The following DCAF7 variants were observed in gnomAD, a reference collection of about 807,000 sequenced individuals.
The protein encoded by DCAF7 is DDB1- and CUL4-associated factor 7.
Under a neutral mutation model 41.2 loss-of-function variants are expected in DCAF7, and 4 were observed. That is an observed-to-expected ratio of 0.10 (90% CI 0.05 to 0.22). The LOEUF is 0.22. Among genes scored for constraint, DCAF7 ranks in the 10% least tolerant of loss-of-function variants. DCAF7 has a pLI of 1.00. For missense variants in DCAF7, 131 were observed against 443.2 expected, an observed-to-expected ratio of 0.30 and a Z score of 6.32; for synonymous variants, 143 against 164.2, an observed-to-expected ratio of 0.87 and a Z score of 0.99.
chr17:63,557,087 G>A (rs1162488028), intron 1 of DCAF7, among the ~76,000 whole-genome samples: 1 of 152,142 alleles, frequency 6.6e-6, no homozygotes, highest in East Asian at 1.9e-4. Flanking sequence ...GATGCTATTA[G>A]AAAGGATGGG....
intron 1 of DCAF7, among the ~76,000 whole-genome samples, chr17:63,570,006 C>T (rs2033488056): frequency 6.6e-6 from 1 of 152,160 alleles, no homozygotes; most frequent in Admixed American, 6.5e-5. Context: ...AGCCACCACA[C>T]CCGGTCTAGA....
At chr17:63,564,136 TACACAC>T (rs369218596) in intron 1 of DCAF7, among the ~76,000 whole-genome samples, 33 of 148,088 alleles carry the variant, frequency 2.2e-4, no homozygotes, top group South Asian at 6.4e-4. Context: ...GTTAACTTTA[TACACAC>T]ACACACACAC....
intron 3 of DCAF7, among the ~76,000 whole-genome samples, 165 bp from the exon 4 acceptor site, chr17:63,579,660 C>T (rs1259994078): frequency 6.6e-6 from 1 of 152,158 alleles, no homozygotes; most frequent in Admixed American, 6.5e-5. Context: ...ACGGTGAGGA[C>T]TGAAGACTTG....
At chr17:63,583,888 G>A (rs1381850046) in intron 5 of DCAF7, among the ~76,000 whole-genome samples, 177 bp downstream of exon 5, 3 of 152,140 alleles carry the variant, frequency 2.0e-5, no homozygotes, top group Non-Finnish European at 4.4e-5. Context: ...GCATCTAGGG[G>A]GTAGAGACCA....
chr17:63,591,720 A>G lies in DCAF7; in HGVS notation c.*2548A>G, dbSNP rs1478567103. On this transcript the variant is annotated 3_prime_UTR_variant, in exon 7 of 7. Coordinates refer to ENST00000614556, the MANE Select transcript of DCAF7 (RefSeq NM_005828.5). ...CCGATCTGTTGTAGTTGCAAAAACA[A>G]CTCTGTAATTTGTTGAGGTTCTCAA... 5 of 152,186 alleles carry G rather than the reference A, an allele frequency of 3.3e-5. No individual in the cohort carries two copies. The highest frequency in any genetic ancestry group is 5.9e-5 in the Non-Finnish European group (4 of 68,044). 9.4% of individuals were successfully genotyped at this position (152,186 alleles called of 1,614,324 possible).
chr17:63,568,345 C>G (rs1305198081), intron 1 of DCAF7, among the ~76,000 whole-genome samples: 1 of 152,126 alleles, frequency 6.6e-6, no homozygotes, highest in African/African-American at 2.4e-5. Context: ...TGGGCATGCC[C>G]TAAGATATTC....
intron 1 of DCAF7, 121 bp from the exon 2 acceptor site, chr17:63,578,349 G>A: frequency 7.1e-7 from 1 of 1,401,752 alleles, no homozygotes; most frequent in Non-Finnish European, 9.8e-7. Context: ...GGGCAACAGA[G>A]CAAGATCCTG....
At chr17:63,558,925 C>T (rs1478296969) in intron 1 of DCAF7, among the ~76,000 whole-genome samples, 1 of 152,096 alleles carries the variant, frequency 6.6e-6, no homozygotes, top group Non-Finnish European at 1.5e-5. Context: ...TCGTTTGATA[C>T]TCTAAGAACT....
intron 6 of DCAF7, among the ~76,000 whole-genome samples, chr17:63,586,868 A>G (rs944959012): frequency 6.6e-6 from 1 of 152,230 alleles, no homozygotes; most frequent in Non-Finnish European, 1.5e-5. Flanking sequence ...TTTAAGAGCA[A>G]GGCGAAAGTC....
chr17:63,556,132 G>T (rs574020877), intron 1 of DCAF7, among the ~76,000 whole-genome samples: 1 of 152,328 alleles, frequency 6.6e-6, no homozygotes, highest in South Asian at 2.1e-4. Context: ...TGTGTTAGCC[G>T]ATTTTTGTTT....
Position 63,550,849 on chromosome 17 carries a change from G to C in DCAF7, c.138+34G>C, listed in dbSNP as rs1568095097. The C allele has an allele frequency of 5.0e-6, 8 of 1,602,536 alleles. No individual in the cohort carries two copies. Among genetic ancestry groups the C allele is most frequent in the African/African-American group, 1.3e-5 (1 of 74,888 alleles). ...GGCAGGGGCTCGGAACCCAGCTGGC[G>C]GGGAGCGGGCCCCGGGAGCGCCCTT... On this transcript the variant is annotated intron_variant, in intron 1 of 6. Transcript: ENST00000614556. This position sits in a 1 kb window ranked among gnomAD's most constrained non-coding sequence, Gnocchi z 4.8.
chr17:63,589,215 C>G lies in DCAF7; in HGVS notation c.*43C>G. The G allele has an allele frequency of 5.6e-6, 9 of 1,608,474 alleles. No individual in the cohort carries two copies. Among genetic ancestry groups the G allele is most frequent in the Non-Finnish European group, 7.6e-6 (9 of 1,178,240 alleles). On this transcript the variant is annotated 3_prime_UTR_variant, in exon 7 of 7. Coordinates refer to ENST00000614556, the MANE Select transcript of DCAF7 (RefSeq NM_005828.5). ...CCACGAGGCAGGGGCTTTTGTATTT[C>G]CTGCCTCTGCCCCACCCCCAAAGTA...
intron 1 of DCAF7, among the ~76,000 whole-genome samples, chr17:63,572,725 T>A (rs922050489): frequency 3.9e-5 from 6 of 152,172 alleles, no homozygotes; most frequent in African/African-American, 1.4e-4. Context: ...AATATATAAA[T>A]ATCTGGCTCA....
chr17:63,579,031 G>A (rs1423707253), intron 2 of DCAF7, among the ~76,000 whole-genome samples: 1 of 152,220 alleles, frequency 6.6e-6, no homozygotes, highest in African/African-American at 2.4e-5. Context: ...CTCATCAGCA[G>A]CAGCGTCCTC....
At position 63,550,625 on chromosome 17, in the gene DCAF7, C is replaced by G; in HGVS notation, c.-53C>G. ...CCCATAGATCTCAGGCTCGGCTCCC[C>G]GCCCGCCGCAGCCCACTGTTGACCC... On this transcript the variant is annotated 5_prime_UTR_variant, in exon 1 of 7. Coordinates refer to ENST00000614556, the MANE Select transcript of DCAF7 (RefSeq NM_005828.5). The surrounding 1 kb of genome is among the most constrained non-coding windows in gnomAD (Gnocchi z 4.8). 1.3e-6 allele frequency: 2 copies of G among 1,597,720 alleles called. No individual in the cohort carries two copies. The highest frequency in any genetic ancestry group is 1.7e-6 in the Non-Finnish European group (2 of 1,170,614).
chr17:63,566,093 T>G (rs922284542), intron 1 of DCAF7, among the ~76,000 whole-genome samples: 1 of 151,808 alleles, frequency 6.6e-6, no homozygotes, highest in African/African-American at 2.4e-5. Flanking sequence ...AGAGTGAGAC[T>G]CTGTCTCAAA....
intron 1 of DCAF7, chr17:63,573,347 C>G (rs1161718710): frequency 6.6e-6 from 1 of 152,122 alleles, no homozygotes; most frequent in Non-Finnish European, 1.5e-5. Context: ...AGCAAGCACT[C>G]TCATCTGGGT....
rs2033587762 is a variant in DCAF7 at position 63,578,616 on chromosome 17, C to G, written c.285C>G (p.Leu95=). The G allele has an allele frequency of 1.2e-6, 2 of 1,614,002 alleles. No individual in the cohort carries two copies. Among genetic ancestry groups the G allele is most frequent in the Non-Finnish European group, 1.7e-6 (2 of 1,179,870 alleles). Reference sequence around the variant, plus strand: ...TACTGGCAACAAGCGGTGACTATCTCCGTGTGTGGAGGGTAAGCGGATGCT... The same window carrying G: ...TACTGGCAACAAGCGGTGACTATCTGCGTGTGTGGAGGGTAAGCGGATGCT... ...PDLLATSGDY[L]RVWRVGETET... The change falls in exon 2 of 7, where the codon CTC becomes CTG. Residue 95 remains leucine, a synonymous_variant. Coordinates refer to ENST00000614556, the MANE Select transcript of DCAF7 (RefSeq NM_005828.5).
Position 63,594,245 on chromosome 17 carries a change from T to G in DCAF7, c.*5073T>G, listed in dbSNP as rs578186558. The G allele has an allele frequency of 1.3e-5, 2 of 152,660 alleles. No individual in the cohort carries two copies. The highest frequency in any genetic ancestry group is 4.8e-5 in the African/African-American group (2 of 41,460). The allele number at this position is 152,660 out of a possible 1,614,324, so 9.5% of individuals were successfully genotyped here. ...ACCGTATTTTCTGCCCATCATACTT[T>G]GTAATAAAACTTGAACATGTATAGA... is the stretch of plus-strand genomic sequence containing the variant. On this transcript the variant is annotated 3_prime_UTR_variant, in exon 7 of 7. Coordinates refer to ENST00000614556, the MANE Select transcript of DCAF7 (RefSeq NM_005828.5).
Sources: allele counts gnomAD v4.1 joint callset (sites outside exome capture counted in the v4.1 genomes callset), GRCh38; gene constraint gnomAD v4.1.1; non-coding constraint Gnocchi (gnomAD v3.1); transcripts MANE v1.5; gene names NCBI Gene and HGNC (gene_info 2026-07-23, HGNC 2026-07-21).